The following SCAMP1 variants were observed in gnomAD, a reference collection of about 807,000 sequenced individuals.
SCAMP1 encodes the protein secretory carrier membrane protein 1, also known as secretory carrier-associated membrane protein 1.
Under a neutral mutation model 41.8 loss-of-function variants are expected in SCAMP1, and 15 were observed. The observed-to-expected ratio is 0.36, with a 90% CI of 0.24 to 0.55. The LOEUF is 0.55. Among genes scored for constraint, SCAMP1 ranks in the 20% least tolerant of loss-of-function variants. The pLI is 0.86. For missense variants in SCAMP1, 341 were observed against 412.6 expected, an observed-to-expected ratio of 0.83 and a Z score of 1.50; for synonymous variants, 135 against 136.8, an observed-to-expected ratio of 0.99 and a Z score of 0.09.
At chr5:78,462,227 G>A (rs139286166) in intron 8 of SCAMP1, among the ~76,000 whole-genome samples, 1,608 of 150,568 alleles carry the variant, frequency 0.011, 35 homozygotes, top group African/African-American at 0.038. Context: ...GTGTGTGTGT[G>A]TCTATTGTAA....
intron 8 of SCAMP1, among the ~76,000 whole-genome samples, chr5:78,464,620 G>A (rs187955671): frequency 2.5e-4 from 38 of 152,138 alleles, no homozygotes; most frequent in Non-Finnish European, 4.6e-4. Flanking sequence ...TTTTGACGTG[G>A]ATCTGGGATT....
At chr5:78,419,629 G>C (rs1156367794) in intron 5 of SCAMP1, among the ~76,000 whole-genome samples, 1 of 152,194 alleles carries the variant, frequency 6.6e-6, no homozygotes, top group Non-Finnish European at 1.5e-5. Flanking sequence ...GTCAGAAGGG[G>C]AGGTAGCTAT....
chr5:78,453,742 T>C (rs1265244399), intron 7 of SCAMP1, among the ~76,000 whole-genome samples: 2 of 152,256 alleles, frequency 1.3e-5, no homozygotes, highest in Admixed American at 6.5e-5. Flanking sequence ...GGTAGCTTTA[T>C]GGCGATGGCA....
At chr5:78,363,005 G>C (rs1277696576) in intron 1 of SCAMP1, among the ~76,000 whole-genome samples, 3 of 148,822 alleles carry the variant, frequency 2.0e-5, no homozygotes, top group African/African-American at 7.4e-5. Context: ...TGATTCTCCT[G>C]CCTCAACCTC....
chr5:78,373,115 G>T (rs780363435), intron 1 of SCAMP1, among the ~76,000 whole-genome samples: 14 of 152,136 alleles, frequency 9.2e-5, no homozygotes, highest in Admixed American at 1.3e-4. Context: ...CTCTGCTAGT[G>T]GAATACAAAC....
At chr5:78,462,603 G>T (rs183919295) in intron 8 of SCAMP1, among the ~76,000 whole-genome samples, 1 of 152,208 alleles carries the variant, frequency 6.6e-6, no homozygotes, top group African/African-American at 2.4e-5. Flanking sequence ...GATTACAGGT[G>T]TGAGCCACCA....
intron 6 of SCAMP1, among the ~76,000 whole-genome samples, chr5:78,447,074 C>G (rs1005909599): frequency 9.9e-5 from 15 of 152,190 alleles, no homozygotes; most frequent in African/African-American, 2.7e-4. Context: ...TTGTGAACTG[C>G]GTGTGCAAAG....
intron 2 of SCAMP1, among the ~76,000 whole-genome samples, chr5:78,396,039 G>T (rs1345563296): frequency 3.3e-5 from 5 of 152,208 alleles, no homozygotes; most frequent in Non-Finnish European, 5.9e-5. Flanking sequence ...AGGACTAAGT[G>T]TGTTTCCATC....
At chr5:78,388,235 T>A (rs1401953212) in intron 1 of SCAMP1, among the ~76,000 whole-genome samples, 1 of 152,232 alleles carries the variant, frequency 6.6e-6, no homozygotes, top group Non-Finnish European at 1.5e-5. Context: ...TGTGATTTGG[T>A]TATTTTCATG....
intron 6 of SCAMP1, among the ~76,000 whole-genome samples, chr5:78,424,086 C>T (rs7732023): frequency 0.45 from 68,282 of 151,586 alleles, 16,165 homozygotes; most frequent in Non-Finnish European, 0.51. Flanking sequence ...TCAGGTGATC[C>T]GCCCACCTTG....
intron 2 of SCAMP1, among the ~76,000 whole-genome samples, chr5:78,412,591 T>C (rs1238364646): frequency 2.0e-5 from 3 of 152,146 alleles, no homozygotes; most frequent in Non-Finnish European, 4.4e-5. Context: ...CCAATTTTGG[T>C]ATTGTCAGAG....
At position 78,446,911 on chromosome 5, in the gene SCAMP1, A is replaced by G. The variant is rs546064174; in HGVS notation, c.633-3022A>G. ...GCTGATTCTAGAGTAGGGGTCTCCA[A>G]CCCCTGGGCTGTGGGCTTGTACTGG... On this transcript the variant is annotated intron_variant, in intron 6 of 8. Transcript: ENST00000621999. Among the ~76,000 whole-genome samples the G allele has an allele frequency of 6.6e-5, 10 of 152,260 alleles. No homozygotes were observed. In the South Asian group the frequency reaches 2.1e-3, roughly 32 times the overall value.
intron 7 of SCAMP1, among the ~76,000 whole-genome samples, chr5:78,450,961 TTTA>T (rs1288439014): frequency 7.9e-5 from 12 of 152,204 alleles, no homozygotes; most frequent in African/African-American, 2.7e-4. Context: ...TAAAGTAGTT[TTTA>T]TTATTATTTT....
intron 7 of SCAMP1, among the ~76,000 whole-genome samples, chr5:78,451,353 T>C (rs927339087): frequency 1.3e-5 from 2 of 152,264 alleles, no homozygotes. Context: ...GTAATAATCT[T>C]GTAGAACTAT....
At chr5:78,456,738 C>T (rs1203587543) in intron 7 of SCAMP1, among the ~76,000 whole-genome samples, 1 of 149,354 alleles carries the variant, frequency 6.7e-6, no homozygotes, top group East Asian at 1.9e-4. Context: ...GCCTGCCTTG[C>T]TAGATTGGGG....
At chr5:78,459,546 T>A (rs772290013) in intron 8 of SCAMP1, among the ~76,000 whole-genome samples, 184 bp downstream of exon 8, 1 of 152,218 alleles carries the variant, frequency 6.6e-6, no homozygotes, top group Non-Finnish European at 1.5e-5. Context: ...TTGCATCACA[T>A]TTTAAACTTC....
At chr5:78,458,634 C>A (rs762094573) in intron 7 of SCAMP1, among the ~76,000 whole-genome samples, 3 of 152,058 alleles carry the variant, frequency 2.0e-5, no homozygotes, top group Non-Finnish European at 2.9e-5. Context: ...GCTATAATCC[C>A]AGTTTGGGAG....
In SCAMP1 at chr5:78,479,859, G is replaced by A. The variant is rs186896695; in HGVS notation, c.*4191G>A. ...AGATCGAAACCATCCTGGCTAACAT[G>A]GTGAAACCCCATCTCTACTAAAAAT... On this transcript the variant is annotated 3_prime_UTR_variant, in exon 9 of 9. Coordinates refer to ENST00000621999, the MANE Select transcript of SCAMP1 (RefSeq NM_004866.6). Among the ~76,000 whole-genome samples the A allele has an allele frequency of 0.021, 3,135 of 151,756 alleles. 102 individuals are homozygous for A. The highest frequency in any genetic ancestry group is 0.072 in the African/African-American group (2,971 of 41,194).
chr5:78,361,973 C>T (rs1044754412), intron 1 of SCAMP1, among the ~76,000 whole-genome samples: 9 of 152,220 alleles, frequency 5.9e-5, no homozygotes, highest in Admixed American at 4.6e-4. Context: ...CAACTCGACT[C>T]ACTTTGTAGC....
Sources: gnomAD v4.1 joint callset for allele counts (sites outside exome capture counted in the v4.1 genomes callset) on GRCh38, gnomAD v4.1.1 for gene constraint, MANE v1.5 for transcripts, NCBI Gene and HGNC (gene_info 2026-07-23, HGNC 2026-07-21) for gene names.